SPHKAP: variants seen among roughly 807,000 people sequenced by gnomAD.
The protein encoded by SPHKAP is SPHK1 interactor, AKAP domain containing, also known as A-kinase anchor protein SPHKAP.
Under a neutral mutation model 137.5 loss-of-function variants are expected in SPHKAP, and 67 were observed. The ratio of observed to expected loss-of-function variants is 0.49; its 90% CI spans 0.40 to 0.60. SPHKAP has a LOEUF of 0.60. SPHKAP is among the 20% of genes least tolerant of loss of function. The probability of loss-of-function intolerance (pLI) is 0.00; values close to 1 mark genes in which losing one functional copy is unlikely to be tolerated. For synonymous variants in SPHKAP, 813 were observed against 785.3 expected, an observed-to-expected ratio of 1.04 and a Z score of -0.59; for missense variants, 2,097 against 2,069.3, an observed-to-expected ratio of 1.01 and a Z score of -0.26.
intron 1 of SPHKAP, among the ~76,000 whole-genome samples, chr2:228,151,503 A>G (rs1204658773): frequency 2.0e-5 from 3 of 152,140 alleles, no homozygotes; most frequent in Admixed American, 6.5e-5. Context: ...CTGAGGAATC[A>G]CCGCACTGAC....
chr2:227,993,740 G>A lies in SPHKAP; in HGVS notation c.4635-120C>T. On this transcript the variant is annotated intron_variant, in intron 8 of 11. Transcript: ENST00000392056. ...GGTCCCCAGAAAAATATCGCTTTGTGCCTAGGACACCTCAATTCATATTTA... is the reference window on the plus strand; with the variant it reads ...GGTCCCCAGAAAAATATCGCTTTGTACCTAGGACACCTCAATTCATATTTA... 5 of 831,248 alleles carry A rather than the reference G, an allele frequency of 6.0e-6. 1 individual carries two copies. The Admixed American group carries it at 1.1e-4, about 18-fold the overall frequency. The allele number at this position is 831,248 out of a possible 1,614,324, so 51.5% of individuals were successfully genotyped here.
intron 3 of SPHKAP, among the ~76,000 whole-genome samples, chr2:228,072,880 A>G (rs1697048130): frequency 6.6e-6 from 1 of 152,242 alleles, no homozygotes; most frequent in African/African-American, 2.4e-5. Context: ...CAGCCAACAC[A>G]GCTGATGCCC....
intron 3 of SPHKAP, among the ~76,000 whole-genome samples, chr2:228,068,848 ATATT>A (rs1373129002): frequency 6.6e-6 from 1 of 152,220 alleles, no homozygotes; most frequent in East Asian, 1.9e-4. Context: ...ATCTCCTGAA[ATATT>A]TAGTTTTAAA....
At chr2:228,000,353 T>C (rs557776953) in intron 7 of SPHKAP, among the ~76,000 whole-genome samples, 2 of 152,264 alleles carry the variant, frequency 1.3e-5, no homozygotes, top group South Asian at 4.1e-4. Flanking sequence ...GCACGGTGGC[T>C]CACGTCTGTA....
intron 3 of SPHKAP, among the ~76,000 whole-genome samples, chr2:228,080,777 T>TAAAATAAGGGAAA (rs1697342133): frequency 2.8e-5 from 2 of 71,214 alleles, no homozygotes; most frequent in Admixed American, 1.5e-4. Context: ...TAAAATAAAA[T>TAAAATAAGGGAAA]AAAATAAAAC....
At chr2:228,149,433 C>G (rs1208863492) in intron 1 of SPHKAP, among the ~76,000 whole-genome samples, 1 of 152,182 alleles carries the variant, frequency 6.6e-6, no homozygotes, top group Non-Finnish European at 1.5e-5. Flanking sequence ...CTGATAGTCA[C>G]TGGTAAATCA....
At position 228,059,380 on chromosome 2, in the gene SPHKAP, T is replaced by A. The variant is rs187997372; in HGVS notation, c.247-31837A>T. On this transcript the variant is annotated intron_variant, in intron 3 of 11. Transcript: ENST00000392056. The stretch of plus-strand genomic sequence containing the variant: ...CTACTTACTCACTTTTGTAATTTTT[T>A]AAATGTACTTGTAAATAAAAGGACT... 4.0e-4 allele frequency among the ~76,000 whole-genome samples: 61 copies of A among 152,366 alleles called. 2 individuals are homozygous for A. The East Asian group carries it at 0.011, about 28-fold the overall frequency.
intron 3 of SPHKAP, among the ~76,000 whole-genome samples, chr2:228,092,208 CAT>C (rs138374843): frequency 0.27 from 39,715 of 145,014 alleles, 5,858 homozygotes; most frequent in Admixed American, 0.38. Flanking sequence ...TGCATACACA[CAT>C]ATATACACAC....
chr2:228,170,926 A>G (rs1488033198), intron 1 of SPHKAP, among the ~76,000 whole-genome samples: 2 of 152,132 alleles, frequency 1.3e-5, no homozygotes, highest in Non-Finnish European at 2.9e-5. Flanking sequence ...AGTTAAGAAT[A>G]CTAGAAATTA....
intron 7 of SPHKAP, among the ~76,000 whole-genome samples, chr2:228,009,993 C>T (rs1694305098): frequency 1.3e-5 from 2 of 152,148 alleles, no homozygotes. Flanking sequence ...GGTCAAGAGG[C>T]TTCCTGTGCA....
In SPHKAP at chr2:228,016,831, G is replaced by C. The variant is rs146070426; in HGVS notation, c.4023C>G (p.Pro1341=). Residue 1341 remains proline, a synonymous_variant, in exon 7 of 12, where the codon CCC becomes CCG. Transcript: ENST00000392056. ...TATTTGCACACTTCTCTGCTTGCGA[G>C]GGAGAGCCACCAGAAACAGGCTCAG... is the stretch of plus-strand genomic sequence containing the variant. ...ADTEPVSGGS[P]SQAEKCANRL... 8.1e-6 allele frequency: 13 copies of C among 1,614,000 alleles called. No individual in the cohort carries two copies. In the East Asian group the frequency reaches 2.9e-4, roughly 36 times the overall value.
intron 3 of SPHKAP, among the ~76,000 whole-genome samples, chr2:228,049,977 C>G (rs970367943): frequency 6.6e-6 from 1 of 152,040 alleles, no homozygotes; most frequent in Non-Finnish European, 1.5e-5. Context: ...CTATAAGAAA[C>G]TGCAATAACT....
At chr2:228,026,245 G>A (rs988780860) in intron 4 of SPHKAP, among the ~76,000 whole-genome samples, 3 of 151,934 alleles carry the variant, frequency 2.0e-5, no homozygotes, top group East Asian at 1.9e-4. Flanking sequence ...GCCCAGTATC[G>A]GGTATGTGTT....
chr2:228,093,967 A>T (rs1437923210), intron 3 of SPHKAP, among the ~76,000 whole-genome samples: 1 of 151,938 alleles, frequency 6.6e-6, no homozygotes, highest in Non-Finnish European at 1.5e-5. Flanking sequence ...ATGACTAAGC[A>T]AAGTGGAGTT....
intron 3 of SPHKAP, among the ~76,000 whole-genome samples, chr2:228,101,321 T>G (rs1183639005): frequency 6.6e-6 from 1 of 152,256 alleles, no homozygotes; most frequent in Non-Finnish European, 1.5e-5. Flanking sequence ...TAACATATGC[T>G]GTTTAACATA....
chr2:227,993,426 C>T, intron 9 of SPHKAP, 108 bp downstream of exon 9: 1 of 983,806 alleles, frequency 1.0e-6, no homozygotes, highest in Non-Finnish European at 1.6e-6. Flanking sequence ...CACAGCAGTA[C>T]AGACATGATG....
At chr2:228,065,090 G>T (rs1006415167) in intron 3 of SPHKAP, among the ~76,000 whole-genome samples, 1 of 152,146 alleles carries the variant, frequency 6.6e-6, no homozygotes, top group Non-Finnish European at 1.5e-5. Flanking sequence ...GGATTTCCTG[G>T]CCAACTTAAC....
intron 3 of SPHKAP, among the ~76,000 whole-genome samples, chr2:228,056,121 C>A (rs1352637316): frequency 6.6e-6 from 1 of 152,236 alleles, no homozygotes; most frequent in Non-Finnish European, 1.5e-5. Flanking sequence ...CACTCTCCTA[C>A]TATTGTCTCT....
At chr2:228,152,413 T>G (rs1699963048) in intron 1 of SPHKAP, among the ~76,000 whole-genome samples, 1 of 152,192 alleles carries the variant, frequency 6.6e-6, no homozygotes, top group Non-Finnish European at 1.5e-5. Flanking sequence ...CTTTCCATTT[T>G]AAAGTTCCTT....
Sources: gnomAD v4.1 joint callset for allele counts (sites outside exome capture counted in the v4.1 genomes callset) on GRCh38, gnomAD v4.1.1 for gene constraint, MANE v1.5 for transcripts, NCBI Gene and HGNC (gene_info 2026-07-23, HGNC 2026-07-21) for gene names.